The following CAMTA1 variants were observed in gnomAD, a reference collection of about 807,000 sequenced individuals.
CAMTA1 encodes the protein calmodulin-binding transcription activator 1.
CAMTA1 carries 27 observed loss-of-function variants against 170.9 expected under a neutral mutation model. That is an observed-to-expected ratio of 0.16 (90% CI 0.12 to 0.22). CAMTA1 has a LOEUF of 0.22. Among genes scored for constraint, CAMTA1 ranks in the 10% least tolerant of loss-of-function variants. The pLI, the probability that CAMTA1 is intolerant of heterozygous loss-of-function variation, is 1.00. For synonymous variants in CAMTA1, 833 were observed against 891.5 expected (o/e 0.93, Z 1.17); for missense variants, 1,619 against 2,217.2 (o/e 0.73, Z 5.42).
At chr1:7,727,892 A>G (rs1319898865) in intron 11 of CAMTA1, among the ~76,000 whole-genome samples, 1 of 152,230 alleles carries the variant, frequency 6.6e-6, no homozygotes, top group African/African-American at 2.4e-5. Flanking sequence ...ATGTGAGGAG[A>G]AAGTCTCTCT....
chr1:6,912,074 G>A (rs770064014), intron 3 of CAMTA1, among the ~76,000 whole-genome samples: 2 of 152,184 alleles, frequency 1.3e-5, no homozygotes, highest in Non-Finnish European at 2.9e-5. Flanking sequence ...CGGATTGGTG[G>A]GTGGCTCTAG....
intron 3 of CAMTA1, among the ~76,000 whole-genome samples, chr1:6,997,615 G>T (rs1259426839): frequency 2.0e-5 from 3 of 148,340 alleles, no homozygotes; most frequent in Admixed American, 2.0e-4. Context: ...TGACATGGAT[G>T]TTGACAGGTC....
intron 11 of CAMTA1, among the ~76,000 whole-genome samples, chr1:7,697,151 GA>G (rs2096385077): frequency 6.6e-6 from 1 of 152,324 alleles, no homozygotes; most frequent in Admixed American, 6.5e-5. Flanking sequence ...GCATAGGGAG[GA>G]AAGTGGCAGG....
Position 7,641,186 on chromosome 1 carries a change from G to C in CAMTA1, c.664+633G>C, listed in dbSNP as rs2095757635. Among the ~76,000 whole-genome samples, 1 of 152,226 alleles carries C rather than the reference G, an allele frequency of 6.6e-6. No homozygotes were observed. The highest frequency in any genetic ancestry group is 2.4e-5 in the African/African-American group (1 of 41,462). On this transcript the variant is annotated intron_variant, in intron 7 of 22. Transcript: ENST00000303635. This position sits in a 1 kb window ranked among gnomAD's most constrained non-coding sequence, Gnocchi z 4.5. ...GCCACAGCTCCCGGCAGCCGCTGGC[G>C]GCTCTCAGTGGCTTCTCCTGCCCCC... is the stretch of plus-strand genomic sequence containing the variant.
chr1:7,711,734 G>C (rs547028893), intron 11 of CAMTA1, among the ~76,000 whole-genome samples: 135 of 152,300 alleles, frequency 8.9e-4, no homozygotes, highest in African/African-American at 3.2e-3. Flanking sequence ...CTTTTCTAGT[G>C]AAAGAAGCGA....
chr1:7,218,304 G>T (rs1163809869), intron 4 of CAMTA1, among the ~76,000 whole-genome samples: 2 of 152,142 alleles, frequency 1.3e-5, no homozygotes, highest in African/African-American at 4.8e-5. Flanking sequence ...TTATGGTTGG[G>T]ATTTTGGGGT....
At chr1:7,408,848 C>T (rs891237965) in intron 5 of CAMTA1, among the ~76,000 whole-genome samples, 1 of 152,210 alleles carries the variant, frequency 6.6e-6, no homozygotes, top group Non-Finnish European at 1.5e-5. Context: ...TCATTGGCAG[C>T]AGGGCCCACG....
chr1:7,682,053 A>G lies in CAMTA1; in HGVS notation c.2914+4320A>G, dbSNP rs1320681092. 6.9e-6 allele frequency among the ~76,000 whole-genome samples: 1 copy of G among 144,010 alleles called. No individual in the cohort carries two copies. The highest frequency in any genetic ancestry group is 2.6e-5 in the African/African-American group (1 of 37,924). The allele number at this position is 144,010 out of a possible 152,430, so 94.5% of individuals were successfully genotyped here. Reference sequence around the variant, plus strand: ...CCGCTTAGACTTAGACTCTATTTTCAGTGCTTCTCAGGCAACTGAGCCTCC... The same window carrying G: ...CCGCTTAGACTTAGACTCTATTTTCGGTGCTTCTCAGGCAACTGAGCCTCC... On this transcript the variant is annotated intron_variant, in intron 11 of 22. Coordinates refer to ENST00000303635, the MANE Select transcript of CAMTA1 (RefSeq NM_015215.4). This position sits in a 1 kb window ranked among gnomAD's most constrained non-coding sequence, Gnocchi z 5.0.
chr1:6,808,259 T>G (rs1043900232), intron 1 of CAMTA1, among the ~76,000 whole-genome samples: 1 of 152,010 alleles, frequency 6.6e-6, no homozygotes, highest in African/African-American at 2.4e-5. Flanking sequence ...TGGAATTGAT[T>G]GGATAAAGTC....
At chr1:6,927,694 G>A (rs1683590047) in intron 3 of CAMTA1, among the ~76,000 whole-genome samples, 1 of 152,218 alleles carries the variant, frequency 6.6e-6, no homozygotes, top group Admixed American at 6.5e-5. Context: ...CAGTCTAATG[G>A]TGAAACTGTC....
At chr1:6,873,643 G>A (rs1669023149) in intron 3 of CAMTA1, among the ~76,000 whole-genome samples, 1 of 152,170 alleles carries the variant, frequency 6.6e-6, no homozygotes. Flanking sequence ...GACGAGAAAA[G>A]TTTTTAATTC....
chr1:6,930,602 T>C (rs1197522067), intron 3 of CAMTA1, among the ~76,000 whole-genome samples: 1 of 152,206 alleles, frequency 6.6e-6, no homozygotes, highest in Non-Finnish European at 1.5e-5. Flanking sequence ...CAGCTCTCTG[T>C]ACCCCTGTGC....
chr1:7,463,140 G>A lies in CAMTA1; in HGVS notation c.439-4690G>A, dbSNP rs562644943. ...GCAGGGACACGGGGAGGGCTGCCCT[G>A]TGGCCCGCTGTGACCTTCAGGCCCC... On this transcript the variant is annotated intron_variant, in intron 5 of 22. Coordinates refer to ENST00000303635, the MANE Select transcript of CAMTA1 (RefSeq NM_015215.4). This position sits in a 1 kb window ranked among gnomAD's most constrained non-coding sequence, Gnocchi z 4.7. Among the ~76,000 whole-genome samples, 11 of 152,220 alleles carry A rather than the reference G, an allele frequency of 7.2e-5. No individual in the cohort carries two copies. The highest frequency in any genetic ancestry group is 1.3e-4 in the Non-Finnish European group (9 of 68,038).
At chr1:7,430,558 C>G (rs11120925) in intron 5 of CAMTA1, among the ~76,000 whole-genome samples, 152,101 of 152,114 alleles carry the variant, frequency 1, 76,044 homozygotes, top group Middle Eastern at 1. Flanking sequence ...ATGAGGATGA[C>G]GATGATGGGG....
At chr1:7,037,718 A>G (rs911282145) in intron 3 of CAMTA1, among the ~76,000 whole-genome samples, 2 of 151,862 alleles carry the variant, frequency 1.3e-5, no homozygotes, top group South Asian at 2.1e-4. Flanking sequence ...GGTGCCTGTA[A>G]TCCTAGCTAC....
rs527692983 is a variant in CAMTA1 at position 7,512,018 on chromosome 1, G to A, written c.510+44117G>A. 3.9e-4 allele frequency among the ~76,000 whole-genome samples: 59 copies of A among 152,324 alleles called. 1 individual carries two copies. In the South Asian group the frequency reaches 5.6e-3, roughly 14 times the overall value. On this transcript the variant is annotated intron_variant, in intron 6 of 22. Transcript: ENST00000303635. Reference sequence around the variant, plus strand: ...GGATAGATGGGTTGCCTGGCTCTGCGCTCAGCTGCCACTCAGGGACTGGGA... The same window carrying A: ...GGATAGATGGGTTGCCTGGCTCTGCACTCAGCTGCCACTCAGGGACTGGGA...
At chr1:7,062,471 C>T (rs1004328070) in intron 3 of CAMTA1, among the ~76,000 whole-genome samples, 1 of 152,118 alleles carries the variant, frequency 6.6e-6, no homozygotes, top group African/African-American at 2.4e-5. Flanking sequence ...GGGGGTGAGT[C>T]TCGAGCGGCC....
intron 5 of CAMTA1, among the ~76,000 whole-genome samples, chr1:7,287,370 A>G (rs1333850338): frequency 1.3e-5 from 2 of 152,226 alleles, no homozygotes; most frequent in East Asian, 1.9e-4. Context: ...ATGGGGCGAT[A>G]GTCATCTGAG....
intron 7 of CAMTA1, among the ~76,000 whole-genome samples, chr1:7,655,150 A>G (rs1164933863): frequency 7.1e-6 from 1 of 141,140 alleles, no homozygotes; most frequent in Non-Finnish European, 1.5e-5. Context: ...ACCCACCTAT[A>G]CACACACCTA....
Sources: gnomAD v4.1 joint callset for allele counts (sites outside exome capture counted in the v4.1 genomes callset) on GRCh38, gnomAD v4.1.1 for gene constraint, Gnocchi (gnomAD v3.1) non-coding constraint, MANE v1.5 for transcripts, NCBI Gene and HGNC (gene_info 2026-07-23, HGNC 2026-07-21) for gene names.